KIAA1217: variants seen among roughly 807,000 people sequenced by gnomAD.
The protein encoded by KIAA1217 is sickle tail protein homolog.
KIAA1217 carries 88 observed loss-of-function variants against 163.9 expected under a neutral mutation model. The ratio of observed to expected loss-of-function variants is 0.54; its 90% CI spans 0.45 to 0.64. The LOEUF is 0.64. Ranked by LOEUF, KIAA1217 falls within the 30% of genes least tolerant of loss-of-function variation. The pLI is 0.00. For synonymous variants in KIAA1217, 903 were observed against 923.1 expected, an observed-to-expected ratio of 0.98 and a Z score of 0.39; for missense variants, 2,372 against 2,475.0, an observed-to-expected ratio of 0.96 and a Z score of 0.88.
intron 2 of KIAA1217, among the ~76,000 whole-genome samples, chr10:24,142,577 CT>C (rs2064133215): frequency 6.6e-6 from 1 of 152,154 alleles, no homozygotes; most frequent in Non-Finnish European, 1.5e-5. Context: ...TGTAACAAAA[CT>C]GTACTTACAC....
chr10:23,921,664 T>C (rs993394967), intron 1 of KIAA1217, among the ~76,000 whole-genome samples: 1 of 152,118 alleles, frequency 6.6e-6, no homozygotes, highest in African/African-American at 2.4e-5. Flanking sequence ...CCCATGAGTT[T>C]CTTCGGGGAG....
intron 1 of KIAA1217, among the ~76,000 whole-genome samples, chr10:23,858,963 G>A (rs1251329587): frequency 6.6e-6 from 1 of 152,060 alleles, no homozygotes; most frequent in African/African-American, 2.4e-5. Flanking sequence ...TTTCTCCAAG[G>A]GGTTTAGAGT....
At chr10:23,935,661 G>A (rs573998301) in intron 1 of KIAA1217, among the ~76,000 whole-genome samples, 1 of 151,976 alleles carries the variant, frequency 6.6e-6, no homozygotes, top group South Asian at 2.1e-4. Context: ...ACAAATAAAA[G>A]GTACACAGAA....
At chr10:24,469,082 C>A (rs1004877897) in intron 5 of KIAA1217, among the ~76,000 whole-genome samples, 1 of 151,942 alleles carries the variant, frequency 6.6e-6, no homozygotes, top group Non-Finnish European at 1.5e-5. Context: ...ATTTATCCTT[C>A]TGGACAGTTC....
intron 2 of KIAA1217, among the ~76,000 whole-genome samples, chr10:24,321,081 G>A (rs765865779): frequency 4.6e-5 from 7 of 151,660 alleles, no homozygotes; most frequent in Non-Finnish European, 1.0e-4. Flanking sequence ...CAGAGAAAGG[G>A]GACAGCTGCC....
At chr10:24,184,010 A>G (rs1417284757) in intron 2 of KIAA1217, among the ~76,000 whole-genome samples, 5 of 152,202 alleles carry the variant, frequency 3.3e-5, no homozygotes. Flanking sequence ...CCCAAAGGAC[A>G]ATCACCCCTT....
chr10:24,384,503 T>C (rs949999545), intron 3 of KIAA1217, among the ~76,000 whole-genome samples: 1 of 152,142 alleles, frequency 6.6e-6, no homozygotes, highest in Non-Finnish European at 1.5e-5. Context: ...GGGTTCACTC[T>C]TGCTGTTGTA....
intron 1 of KIAA1217, among the ~76,000 whole-genome samples, chr10:23,895,142 G>A (rs1379536718): frequency 2.0e-5 from 3 of 151,956 alleles, no homozygotes; most frequent in Admixed American, 1.3e-4. Context: ...TTGACAAATG[G>A]GATCTCATTA....
chr10:24,341,246 A>C (rs1226619914), intron 2 of KIAA1217, among the ~76,000 whole-genome samples: 2 of 152,156 alleles, frequency 1.3e-5, no homozygotes, highest in Non-Finnish European at 2.9e-5. Flanking sequence ...GGCATTCCAC[A>C]GTGGTATATG....
intron 1 of KIAA1217, among the ~76,000 whole-genome samples, chr10:23,943,210 G>T (rs2131339162): frequency 6.6e-6 from 1 of 152,186 alleles, no homozygotes; most frequent in Admixed American, 6.5e-5. Context: ...AAAAGTAAAA[G>T]CTGTTTATAT....
chr10:23,829,096 TAACA>T (rs1838050005), intron 1 of KIAA1217, among the ~76,000 whole-genome samples: 3 of 152,184 alleles, frequency 2.0e-5, no homozygotes, highest in Non-Finnish European at 2.9e-5. Flanking sequence ...TAAGGAAATA[TAACA>T]CTATTCAATT....
intron 1 of KIAA1217, among the ~76,000 whole-genome samples, chr10:23,933,225 G>A (rs1343268173): frequency 6.6e-6 from 1 of 152,212 alleles, no homozygotes; most frequent in African/African-American, 2.4e-5. Context: ...TGCAGGGAGA[G>A]TTGAAGAGAG....
chr10:24,093,572 G>A (rs1241037050), intron 2 of KIAA1217, among the ~76,000 whole-genome samples: 1 of 151,578 alleles, frequency 6.6e-6, no homozygotes, highest in African/African-American at 2.4e-5. Context: ...CCAAAGTGCT[G>A]GGATTACAGG....
chr10:23,786,082 G>A (rs1835480020), intron 1 of KIAA1217, among the ~76,000 whole-genome samples: 1 of 152,178 alleles, frequency 6.6e-6, no homozygotes, highest in Non-Finnish European at 1.5e-5. Flanking sequence ...GGCAAGTAGT[G>A]AGAATTGTCT....
rs112593841 is a variant in KIAA1217 at position 23,832,563 on chromosome 10, T to C, written c.-321+137329T>C. Among the ~76,000 whole-genome samples, 790 of 152,302 alleles carry C rather than the reference T, an allele frequency of 5.2e-3. 10 individuals carry two copies. Among genetic ancestry groups the C allele is most frequent in the African/African-American group, 0.017 (713 of 41,566 alleles). ...CAACCCTCTAATAACATGGTTGGTT[T>C]CCCTGGCAGCCACCTCCCCATCCTA... On this transcript the variant is annotated intron_variant, in intron 1 of 18. Coordinates refer to the KIAA1217 transcript ENST00000376462.
intron 1 of KIAA1217, among the ~76,000 whole-genome samples, chr10:23,973,840 A>G (rs542114836): frequency 2.5e-4 from 37 of 149,536 alleles, no homozygotes; most frequent in South Asian, 2.1e-3. Context: ...TATGACTTGG[A>G]AAAAAAAAAC....
chr10:24,463,969 C>T (rs959113433), intron 5 of KIAA1217, among the ~76,000 whole-genome samples: 1 of 152,102 alleles, frequency 6.6e-6, no homozygotes, highest in African/African-American at 2.4e-5. Context: ...CAAACCAAAG[C>T]GTGGGGGTGT....
intron 1 of KIAA1217, among the ~76,000 whole-genome samples, chr10:23,848,035 G>A (rs1588940693): frequency 6.6e-6 from 1 of 152,098 alleles, no homozygotes; most frequent in South Asian, 2.1e-4. Flanking sequence ...TTTTGAGTGA[G>A]TTTCTTAATC....
intron 2 of KIAA1217, among the ~76,000 whole-genome samples, chr10:24,310,401 C>T (rs950456651): frequency 2.6e-4 from 39 of 152,204 alleles, no homozygotes; most frequent in African/African-American, 9.4e-4. Flanking sequence ...AGATGAATGA[C>T]CACGACTCTG....
Sources: gnomAD v4.1 joint callset for allele counts (sites outside exome capture counted in the v4.1 genomes callset) on GRCh38, gnomAD v4.1.1 for gene constraint, MANE v1.5 for transcripts, NCBI Gene and HGNC (gene_info 2026-07-23, HGNC 2026-07-21) for gene names.